Variants in CAMK4 observed in about 807,000 individuals in gnomAD.
CAMK4 encodes the protein calcium/calmodulin dependent protein kinase IV.
Under a neutral mutation model 44.9 loss-of-function variants are expected in CAMK4, and 22 were observed. The observed-to-expected ratio is 0.49, with a 90% CI of 0.35 to 0.70. The LOEUF is 0.70. Among genes scored for constraint, CAMK4 ranks in the 30% least tolerant of loss-of-function variants. The pLI, the probability that CAMK4 is intolerant of heterozygous loss-of-function variation, is 0.01. For synonymous variants in CAMK4, 218 were observed against 215.4 expected, an observed-to-expected ratio of 1.01 and a Z score of -0.11; for missense variants, 498 against 586.8, an observed-to-expected ratio of 0.85 and a Z score of 1.56.
chr5:111,427,732 C>G (rs1753280328), intron 5 of CAMK4, among the ~76,000 whole-genome samples: 1 of 152,178 alleles, frequency 6.6e-6, no homozygotes, highest in Non-Finnish European at 1.5e-5. Context: ...AACAGAATAC[C>G]AGGTAGACTT....
At chr5:111,337,138 G>A (rs1422071650) in intron 1 of CAMK4, among the ~76,000 whole-genome samples, 1 of 151,192 alleles carries the variant, frequency 6.6e-6, no homozygotes, top group Non-Finnish European at 1.5e-5. Context: ...CAACCTGTGA[G>A]AGTATTATAA....
intron 1 of CAMK4, among the ~76,000 whole-genome samples, chr5:111,296,133 C>A (rs186445742): frequency 1.3e-5 from 2 of 152,308 alleles, no homozygotes; most frequent in African/African-American, 4.8e-5. Context: ...TTTTTTATCA[C>A]CCTCTCAGTA....
chr5:111,381,754 TTTG>T (rs1250663857), intron 4 of CAMK4, among the ~76,000 whole-genome samples: 1 of 152,124 alleles, frequency 6.6e-6, no homozygotes, highest in Non-Finnish European at 1.5e-5. Flanking sequence ...TTTTATTGAG[TTTG>T]TTTTTATTTT....
At chr5:111,483,916 C>G (rs867420066) in intron 10 of CAMK4, 110 bp from the exon 11 acceptor site, 2 of 791,766 alleles carry the variant, frequency 2.5e-6, no homozygotes, top group South Asian at 5.9e-5. Flanking sequence ...ACTTTGAAAA[C>G]TTTAACGCTA....
intron 2 of CAMK4, among the ~76,000 whole-genome samples, chr5:111,366,888 A>G (rs1561442591): frequency 6.6e-6 from 1 of 151,998 alleles, no homozygotes; most frequent in Non-Finnish European, 1.5e-5. Context: ...TTCAAAAAGT[A>G]TATCAAAGAC....
At chr5:111,329,066 G>C (rs557789099) in intron 1 of CAMK4, among the ~76,000 whole-genome samples, 1 of 151,988 alleles carries the variant, frequency 6.6e-6, no homozygotes, top group African/African-American at 2.4e-5. Flanking sequence ...TGCAAGGCTG[G>C]TTCAACATAT....
intron 1 of CAMK4, among the ~76,000 whole-genome samples, chr5:111,299,587 C>T (rs1747635550): frequency 6.6e-6 from 1 of 152,084 alleles, no homozygotes; most frequent in South Asian, 2.1e-4. Context: ...GGATATATTC[C>T]ACTTATATTG....
chr5:111,312,395 T>C (rs948344981), intron 1 of CAMK4, among the ~76,000 whole-genome samples: 8 of 152,184 alleles, frequency 5.3e-5, no homozygotes, highest in African/African-American at 1.9e-4. Context: ...GACATTAAAA[T>C]AGCTAGCTTA....
At chr5:111,327,123 G>A (rs1424218602) in intron 1 of CAMK4, among the ~76,000 whole-genome samples, 1 of 151,192 alleles carries the variant, frequency 6.6e-6, no homozygotes, top group East Asian at 2.0e-4. Flanking sequence ...TCGTCATTTA[G>A]CATTAGGTAT....
intron 5 of CAMK4, among the ~76,000 whole-genome samples, chr5:111,403,975 C>A (rs1246791632): frequency 6.6e-6 from 1 of 152,092 alleles, no homozygotes; most frequent in African/African-American, 2.4e-5. Context: ...TGGAAAGGAG[C>A]CTCTATTTCT....
intron 4 of CAMK4, among the ~76,000 whole-genome samples, chr5:111,387,543 A>G (rs936254035): frequency 2.0e-5 from 3 of 152,206 alleles, no homozygotes; most frequent in Non-Finnish European, 4.4e-5. Flanking sequence ...GGAAGCATCC[A>G]CACAGCTGTT....
In CAMK4 at chr5:111,269,491, G is replaced by T. The variant is rs147890844; in HGVS notation, c.161+44847G>T. On this transcript the variant is annotated intron_variant, in intron 1 of 10. Coordinates refer to ENST00000282356, the MANE Select transcript of CAMK4 (RefSeq NM_001744.6). Reference sequence around the variant, plus strand: ...AGTCCACATCATCTGGACCTTCCTGGGTCCTTGCTGTGCAGTGGCTGGTCT... The same window carrying T: ...AGTCCACATCATCTGGACCTTCCTGTGTCCTTGCTGTGCAGTGGCTGGTCT... 4.0e-3 allele frequency among the ~76,000 whole-genome samples: 607 copies of T among 152,172 alleles called. 3 individuals carry two copies. Among genetic ancestry groups the T allele is most frequent in the African/African-American group, 8.5e-3 (353 of 41,490 alleles).
intron 5 of CAMK4, among the ~76,000 whole-genome samples, chr5:111,413,873 T>C (rs1349875706): frequency 1.3e-5 from 2 of 151,936 alleles, no homozygotes; most frequent in African/African-American, 4.8e-5. Flanking sequence ...AAAAAGTTCA[T>C]AAAATGTTTT....
At chr5:111,398,083 C>T (rs1221301800) in intron 5 of CAMK4, among the ~76,000 whole-genome samples, 1 of 152,160 alleles carries the variant, frequency 6.6e-6, no homozygotes, top group East Asian at 1.9e-4. Flanking sequence ...CCCACTGCTG[C>T]TTTTTTCTCA....
At position 111,413,645 on chromosome 5, in the gene CAMK4, G is replaced by A. The variant is rs1053808942; in HGVS notation, c.459+18863G>A. The stretch of plus-strand genomic sequence containing the variant: ...TGTAAAACTGAATGCAGTTGTCAAC[G>A]AATTTTGAAATAGAAAACATGTAAT... On this transcript the variant is annotated intron_variant, in intron 5 of 10. Transcript: ENST00000282356. 3.3e-5 allele frequency among the ~76,000 whole-genome samples: 5 copies of A among 151,570 alleles called. No homozygotes were observed. In the East Asian group the frequency reaches 5.8e-4, roughly 18 times the overall value.
intron 7 of CAMK4, among the ~76,000 whole-genome samples, chr5:111,453,266 C>G (rs1754298199): frequency 6.6e-6 from 1 of 152,062 alleles, no homozygotes; most frequent in African/African-American, 2.4e-5. Flanking sequence ...AATACTAGGG[C>G]CCAGGAGTAG....
At chr5:111,441,013 C>G (rs1007677666) in intron 5 of CAMK4, among the ~76,000 whole-genome samples, 2 of 152,116 alleles carry the variant, frequency 1.3e-5, no homozygotes, top group African/African-American at 2.4e-5. Flanking sequence ...GTGGGCGTTG[C>G]AGATGAGAAA....
intron 1 of CAMK4, among the ~76,000 whole-genome samples, chr5:111,261,374 C>A (rs1271303073): frequency 6.6e-6 from 1 of 152,218 alleles, no homozygotes; most frequent in African/African-American, 2.4e-5. Context: ...CATTACCCAG[C>A]TGCACCAGTC....
In CAMK4 at chr5:111,462,741, C is replaced by T. The variant is rs374980117; in HGVS notation, c.626-10570C>T. Among the ~76,000 whole-genome samples, 30 of 152,298 alleles carry T rather than the reference C, an allele frequency of 2.0e-4. No individual in the cohort carries two copies. The East Asian group carries it at 5.2e-3, about 26-fold the overall frequency. On this transcript the variant is annotated intron_variant, in intron 7 of 10. Transcript: ENST00000282356. ...ATTTAAGAAAAGAAGGCAAATTTAGCACCAGTGGTCCCTGTAAGTGAGCCC... is the reference window on the plus strand; with the variant it reads ...ATTTAAGAAAAGAAGGCAAATTTAGTACCAGTGGTCCCTGTAAGTGAGCCC...
Sources: gnomAD v4.1 joint callset for allele counts (sites outside exome capture counted in the v4.1 genomes callset) on GRCh38, gnomAD v4.1.1 for gene constraint, MANE v1.5 for transcripts, NCBI Gene and HGNC (gene_info 2026-07-23, HGNC 2026-07-21) for gene names.